The following SH3KBP1 variants were observed in gnomAD, a reference collection of about 807,000 sequenced individuals.
SH3KBP1 encodes SH3 domain-containing kinase-binding protein 1.
In SH3KBP1, 8 loss-of-function variants were observed where a neutral mutation model predicts 50.1. The ratio of observed to expected loss-of-function variants is 0.16; its 90% CI spans 0.09 to 0.29. The LOEUF (loss-of-function observed/expected upper bound fraction) is 0.29, where lower values mean the gene tolerates loss of function less well. SH3KBP1 is among the 10% of genes least tolerant of loss of function. The pLI, the probability that SH3KBP1 is intolerant of heterozygous loss-of-function variation, is 1.00. For synonymous variants in SH3KBP1, 227 were observed against 218.6 expected, an observed-to-expected ratio of 1.04 and a Z score of -0.34; for missense variants, 377 against 535.2, an observed-to-expected ratio of 0.70 and a Z score of 2.92.
chrX:19,766,231 T>C (rs1361564435), intron 2 of SH3KBP1, among the ~76,000 whole-genome samples: 2 of 110,606 alleles, frequency 1.8e-5, no homozygotes, highest in Admixed American at 1.9e-4. Flanking sequence ...GCAATCTCAC[T>C]GTGATTTTGA....
chrX:19,562,989 T>C (rs1312072568), intron 13 of SH3KBP1, among the ~76,000 whole-genome samples: 1 of 112,066 alleles, frequency 8.9e-6, no homozygotes, highest in African/African-American at 3.3e-5. Context: ...AATCTCCCCC[T>C]GTTTCTATAG....
chrX:19,818,413 T>C (rs971704348), intron 2 of SH3KBP1, among the ~76,000 whole-genome samples: 3 of 112,074 alleles, frequency 2.7e-5, no homozygotes, highest in African/African-American at 9.7e-5. Context: ...TCTTTTATTT[T>C]TTTCTCAACT....
intron 2 of SH3KBP1, among the ~76,000 whole-genome samples, chrX:19,751,921 C>T (rs1256663603): frequency 7.1e-5 from 8 of 112,482 alleles, no homozygotes; most frequent in Admixed American, 2.8e-4. Flanking sequence ...TGATAAGCTG[C>T]GTTGCCTGGA....
intron 8 of SH3KBP1, among the ~76,000 whole-genome samples, chrX:19,630,677 C>CT (rs2061555304): frequency 8.9e-6 from 1 of 111,919 alleles, no homozygotes; most frequent in Admixed American, 9.5e-5. Context: ...CTCCATACCA[C>CT]TGTTATATGG....
intron 12 of SH3KBP1, among the ~76,000 whole-genome samples, chrX:19,577,322 T>C (rs1222879753): frequency 4.5e-5 from 5 of 111,808 alleles, no homozygotes; most frequent in Non-Finnish European, 9.4e-5. Context: ...GAAGCTGCTT[T>C]AGTCAGCCTT....
chrX:19,774,855 G>T (rs770415908), intron 2 of SH3KBP1, among the ~76,000 whole-genome samples: 6 of 110,448 alleles, frequency 5.4e-5, no homozygotes, highest in African/African-American at 2.0e-4. Context: ...ATCCAAAAAG[G>T]TTTAACTAGA....
At chrX:19,726,681 C>T (rs771917320) in intron 3 of SH3KBP1, among the ~76,000 whole-genome samples, 1 of 111,389 alleles carries the variant, frequency 9.0e-6, no homozygotes, top group Non-Finnish European at 1.9e-5. Context: ...ACACTTGACA[C>T]AGCGCAAGTC....
chrX:19,571,518 A>T (rs1317772126), intron 12 of SH3KBP1, among the ~76,000 whole-genome samples: 2 of 112,182 alleles, frequency 1.8e-5, no homozygotes, highest in African/African-American at 3.2e-5. Context: ...CACTAATTTG[A>T]AGGTAACCTG....
At chrX:19,654,833 A>C (rs2062232400) in intron 6 of SH3KBP1, among the ~76,000 whole-genome samples, 1 of 111,941 alleles carries the variant, frequency 8.9e-6, no homozygotes, top group South Asian at 3.7e-4. Context: ...TTGGGGTTTT[A>C]TTTGTCCAGT....
In SH3KBP1 at chrX:19,631,819, C is replaced by G. The variant is rs758168445; in HGVS notation, c.897+45G>C. ...AGCTTATACTGTCCAGTCAACACCC[C>G]AAAGCAGTTCGCGATTTAGAAGGTA... is the stretch of plus-strand genomic sequence containing the variant. On this transcript the variant is annotated intron_variant, in intron 8 of 17. Transcript: ENST00000397821. The G allele has an allele frequency of 6.7e-5, 61 of 907,839 alleles. No individual in the cohort carries two copies. In the Middle Eastern group the frequency reaches 4.3e-3, roughly 64 times the overall value. The allele number at this position is 907,839 out of a possible 1,213,427, so 74.8% of individuals were successfully genotyped here.
At chrX:19,673,424 G>A (rs1398909378) in intron 6 of SH3KBP1, among the ~76,000 whole-genome samples, 1 of 111,380 alleles carries the variant, frequency 9.0e-6, no homozygotes, top group East Asian at 2.8e-4. Context: ...CTGACTCCTG[G>A]CTTTTTCATT....
At chrX:19,623,566 T>A (rs1280650747) in intron 8 of SH3KBP1, among the ~76,000 whole-genome samples, 2 of 111,695 alleles carry the variant, frequency 1.8e-5, no homozygotes, top group African/African-American at 6.5e-5. Context: ...TTGCCTGTAA[T>A]CCCAGCTACT....
chrX:19,722,555 TGC>T (rs1236544543), intron 3 of SH3KBP1, among the ~76,000 whole-genome samples: 5 of 96,652 alleles, frequency 5.2e-5, no homozygotes, highest in Admixed American at 1.1e-4. Flanking sequence ...TGTGTGTGTG[TGC>T]GCGTGCGCAC....
chrX:19,754,422 T>C (rs1298572854), intron 2 of SH3KBP1, among the ~76,000 whole-genome samples: 2 of 112,465 alleles, frequency 1.8e-5, no homozygotes, highest in Non-Finnish European at 3.8e-5. Context: ...GTTTGGATAC[T>C]TAAAAATATC....
chrX:19,537,609 C>G (rs1354034906), intron 17 of SH3KBP1, 108 bp downstream of exon 17: 2 of 630,935 alleles, frequency 3.2e-6, no homozygotes, highest in African/African-American at 4.5e-5. Flanking sequence ...GAAATGTATC[C>G]AGATCTGCAG....
intron 1 of SH3KBP1, among the ~76,000 whole-genome samples, chrX:19,846,481 G>A (rs755991676): frequency 3.6e-5 from 4 of 112,029 alleles, no homozygotes; most frequent in Non-Finnish European, 5.6e-5. Flanking sequence ...ATAATAAAAT[G>A]GCTTGAGGAT....
At chrX:19,834,440 G>A (rs1366395133) in intron 2 of SH3KBP1, among the ~76,000 whole-genome samples, 1 of 112,253 alleles carries the variant, frequency 8.9e-6, no homozygotes, top group South Asian at 3.7e-4. Context: ...ATTCTTCTGA[G>A]AACAATCCAT....
chrX:19,542,015 G>C lies in SH3KBP1; in HGVS notation c.1802C>G (p.Pro601Arg). 1 of 1,212,043 alleles carries C rather than the reference G, an allele frequency of 8.3e-7. No individual in the cohort carries two copies. Among genetic ancestry groups the C allele is most frequent in the Admixed American group, 2.2e-5 (1 of 46,115 alleles). Residue 601 changes from proline (P) to arginine (R), a missense_variant, in exon 16 of 18, where the codon CCT becomes CGT. Transcript: ENST00000397821. Reference sequence around the variant, plus strand: ...CACGGCCGCCTGGCTGCTGGCCGCAGGCTCCATCTTTGGTTTTCCTTCCGT... The same window carrying C: ...CACGGCCGCCTGGCTGCTGGCCGCACGCTCCATCTTTGGTTTTCCTTCCGT... ...FGTEGKPKME[P>R]AASSQAAVEE...
intron 7 of SH3KBP1, among the ~76,000 whole-genome samples, chrX:19,634,710 C>A (rs991498849): frequency 9.0e-6 from 1 of 111,704 alleles, no homozygotes; most frequent in African/African-American, 3.3e-5. Flanking sequence ...GCTGGGCTTT[C>A]GCAAGCACAT....
Sources: allele counts gnomAD v4.1 joint callset (sites outside exome capture counted in the v4.1 genomes callset), GRCh38; gene constraint gnomAD v4.1.1; transcripts MANE v1.5; gene names NCBI Gene and HGNC (gene_info 2026-07-23, HGNC 2026-07-21).